Variants in CNTNAP2 observed in about 807,000 individuals in gnomAD.
The protein encoded by CNTNAP2 is contactin-associated protein-like 2.
Under a neutral mutation model 155.2 loss-of-function variants are expected in CNTNAP2, and 98 were observed. The ratio of observed to expected loss-of-function variants is 0.63; its 90% CI spans 0.54 to 0.75. The LOEUF (loss-of-function observed/expected upper bound fraction) is 0.75. Ranked by LOEUF, CNTNAP2 falls within the 30% of genes least tolerant of loss-of-function variation. CNTNAP2 has a pLI of 0.00. For synonymous variants in CNTNAP2, 651 were observed against 631.2 expected (o/e 1.03, Z -0.47); for missense variants, 1,727 against 1,688.1 (o/e 1.02, Z -0.40).
intron 8 of CNTNAP2, among the ~76,000 whole-genome samples, chr7:147,194,257 G>T (rs1344787448): frequency 1.3e-5 from 2 of 152,124 alleles, no homozygotes; most frequent in African/African-American, 4.8e-5. Flanking sequence ...CAAAGGACAT[G>T]ATCTCATTCC....
chr7:147,826,301 T>G (rs971736059), intron 13 of CNTNAP2, among the ~76,000 whole-genome samples: 2 of 152,206 alleles, frequency 1.3e-5, no homozygotes, highest in Non-Finnish European at 1.5e-5. Context: ...TCTAGTTCAA[T>G]GAATACTTAA....
At chr7:146,881,755 A>ATTT (rs11416504) in intron 3 of CNTNAP2, among the ~76,000 whole-genome samples, 14,936 of 123,490 alleles carry the variant, frequency 0.12, 1,067 homozygotes, top group African/African-American at 0.15. Context: ...GATCCCTATA[A>ATTT]TTTTTTTTTT....
intron 1 of CNTNAP2, among the ~76,000 whole-genome samples, chr7:146,360,132 G>T (rs942394524): frequency 6.6e-6 from 1 of 152,038 alleles, no homozygotes; most frequent in Non-Finnish European, 1.5e-5. Flanking sequence ...ACCTACTTTC[G>T]AATGCCTGAA....
At chr7:148,369,402 A>C (rs1167975334) in intron 21 of CNTNAP2, among the ~76,000 whole-genome samples, 2 of 151,302 alleles carry the variant, frequency 1.3e-5, no homozygotes, top group Middle Eastern at 3.4e-3. Context: ...GTGCCACTAC[A>C]CCTGGCTAAT....
chr7:146,662,762 T>A (rs1419993027), intron 1 of CNTNAP2, among the ~76,000 whole-genome samples: 1 of 152,214 alleles, frequency 6.6e-6, no homozygotes, highest in African/African-American at 2.4e-5. Flanking sequence ...CTATGATTCA[T>A]TTTAAGTTGG....
At chr7:147,455,285 C>T (rs892283772) in intron 10 of CNTNAP2, among the ~76,000 whole-genome samples, 1 of 152,080 alleles carries the variant, frequency 6.6e-6, no homozygotes, top group Non-Finnish European at 1.5e-5. Context: ...GTAATTTCCA[C>T]ATCTATGTTT....
chr7:148,250,245 A>G (rs1322719750), intron 20 of CNTNAP2, among the ~76,000 whole-genome samples: 1 of 152,162 alleles, frequency 6.6e-6, no homozygotes, highest in African/African-American at 2.4e-5. Flanking sequence ...CGCCTTATTT[A>G]GGGTTGCAGT....
chr7:148,345,918 C>T (rs1314362019), intron 21 of CNTNAP2, among the ~76,000 whole-genome samples: 2 of 152,092 alleles, frequency 1.3e-5, no homozygotes, highest in Non-Finnish European at 2.9e-5. Context: ...TATGAAAGTG[C>T]TTTGAAATTT....
chr7:146,205,291 G>A (rs1238655895), intron 1 of CNTNAP2, among the ~76,000 whole-genome samples: 1 of 151,902 alleles, frequency 6.6e-6, no homozygotes, highest in Non-Finnish European at 1.5e-5. Context: ...CATAATTAAT[G>A]ATATTCTCTG....
At chr7:147,015,884 A>G (rs1278812187) in intron 3 of CNTNAP2, among the ~76,000 whole-genome samples, 1 of 152,120 alleles carries the variant, frequency 6.6e-6, no homozygotes, top group Non-Finnish European at 1.5e-5. Context: ...AGAACCGAGA[A>G]GGTAATATAC....
chr7:146,158,001 C>T (rs1798155363), intron 1 of CNTNAP2, among the ~76,000 whole-genome samples: 1 of 152,172 alleles, frequency 6.6e-6, no homozygotes, highest in Non-Finnish European at 1.5e-5. Context: ...GGCCAACTGA[C>T]ACCTCATACA....
At chr7:147,058,685 C>A (rs1799607751) in intron 4 of CNTNAP2, among the ~76,000 whole-genome samples, 1 of 146,162 alleles carries the variant, frequency 6.8e-6, no homozygotes, top group Non-Finnish European at 1.6e-5. Context: ...CGGCTCACTG[C>A]AACCTCTGCC....
chr7:147,630,223 A>C (rs1795059663), intron 12 of CNTNAP2, among the ~76,000 whole-genome samples: 1 of 151,556 alleles, frequency 6.6e-6, no homozygotes, highest in Non-Finnish European at 1.5e-5. Context: ...TAGATGGATA[A>C]ATTCCTGGAA....
At chr7:148,282,907 A>C (rs1796998553) in intron 21 of CNTNAP2, among the ~76,000 whole-genome samples, 1 of 152,096 alleles carries the variant, frequency 6.6e-6, no homozygotes, top group Non-Finnish European at 1.5e-5. Context: ...ACTTTTGCAT[A>C]CCCAATTGTT....
At chr7:146,857,915 G>T (rs1795022693) in intron 3 of CNTNAP2, among the ~76,000 whole-genome samples, 1 of 151,918 alleles carries the variant, frequency 6.6e-6, no homozygotes, top group Admixed American at 6.6e-5. Flanking sequence ...GGGGTGATAA[G>T]AATTTCCTGA....
intron 1 of CNTNAP2, among the ~76,000 whole-genome samples, chr7:146,539,189 TTGTGTAGA>T (rs1797914693): frequency 6.6e-6 from 1 of 152,088 alleles, no homozygotes; most frequent in Non-Finnish European, 1.5e-5. Flanking sequence ...TATATATCCC[TTGTGTAGA>T]TGTAGTATTC....
At chr7:146,927,798 T>C (rs1796637968) in intron 3 of CNTNAP2, among the ~76,000 whole-genome samples, 1 of 151,908 alleles carries the variant, frequency 6.6e-6, no homozygotes, top group African/African-American at 2.4e-5. Context: ...TATGTATACA[T>C]GTATATGTCT....
At chr7:146,667,120 C>T (rs1461679284) in intron 1 of CNTNAP2, among the ~76,000 whole-genome samples, 3 of 151,966 alleles carry the variant, frequency 2.0e-5, no homozygotes, top group Non-Finnish European at 4.4e-5. Context: ...AATTTCAGGT[C>T]TTATATCTTG....
intron 1 of CNTNAP2, among the ~76,000 whole-genome samples, chr7:146,671,181 C>T (rs151251028): frequency 5.9e-5 from 9 of 152,214 alleles, no homozygotes; most frequent in Admixed American, 2.6e-4. Context: ...GATTAGTATC[C>T]TCTTTCTCTA....
Sources: allele counts gnomAD v4.1 joint callset (sites outside exome capture counted in the v4.1 genomes callset), GRCh38; gene constraint gnomAD v4.1.1; transcripts MANE v1.5; gene names NCBI Gene and HGNC (gene_info 2026-07-23, HGNC 2026-07-21).